IGSF9: variants seen among roughly 807,000 people sequenced by gnomAD.
The protein encoded by IGSF9 is immunoglobulin superfamily member 9.
IGSF9 carries 87 observed loss-of-function variants against 121.7 expected under a neutral mutation model. That is an observed-to-expected ratio of 0.71 (90% CI 0.60 to 0.85). The LOEUF is 0.85. IGSF9 is among the 40% of genes least tolerant of loss of function. IGSF9 has a pLI of 0.00. For synonymous variants in IGSF9, 640 were observed against 648.4 expected (o/e 0.99, Z 0.20); for missense variants, 1,462 against 1,565.3 (o/e 0.93, Z 1.11).
chr1:159,941,632 A>G (rs1035636235), intron 3 of IGSF9, among the ~76,000 whole-genome samples: 6 of 152,236 alleles, frequency 3.9e-5, no homozygotes, highest in Non-Finnish European at 7.3e-5. Flanking sequence ...AAGAGCTTCA[A>G]GTCTCCCTGG....
At chr1:159,938,169 C>T (rs1651261094) in intron 3 of IGSF9, among the ~76,000 whole-genome samples, 1 of 152,142 alleles carries the variant, frequency 6.6e-6, no homozygotes, top group South Asian at 2.1e-4. Context: ...CATGTAGTCT[C>T]CTCTGGACTC....
At chr1:159,938,200 T>C (rs1213597985) in intron 3 of IGSF9, among the ~76,000 whole-genome samples, 1 of 152,176 alleles carries the variant, frequency 6.6e-6, no homozygotes, top group Non-Finnish European at 1.5e-5. Flanking sequence ...TGTCCACCTC[T>C]GGGCTCTTTA....
rs1404158972 is a variant in IGSF9, at chr1:159,927,408, A to G, written c.3477T>C (p.Thr1159=). 3 of 1,613,894 alleles carry G rather than the reference A, an allele frequency of 1.9e-6. No individual in the cohort carries two copies. The highest frequency in any genetic ancestry group is 2.5e-6 in the Non-Finnish European group (3 of 1,179,998). Reference sequence around the variant, plus strand: ...GTCGATAGGCTGGTAGCCGAGCCCTAGTAGCATCTCGGCGGCGGCGGAAGG... The same window carrying G: ...GTCGATAGGCTGGTAGCCGAGCCCTGGTAGCATCTCGGCGGCGGCGGAAGG... ...FLAFRRRRDA[T]RARLPAYRQP... Residue 1159 remains threonine (T), a synonymous_variant, in exon 21 of 21, where the codon ACT becomes ACC. Coordinates refer to ENST00000368094, the MANE Select transcript of IGSF9 (RefSeq NM_001135050.2).
In IGSF9 at chr1:159,932,190, A is replaced by G. The variant is rs1651023694; in HGVS notation, c.1246-262T>C. The G allele has an allele frequency of 3.5e-6, 2 of 568,984 alleles. No homozygotes were observed. 35.2% of individuals were successfully genotyped at this position (568,984 alleles called of 1,614,324 possible). A position where few individuals can be genotyped will look rare whatever the true frequency, so the allele number is the denominator to read the frequency against. ...TGGCAGGCTTAGGCAGGACTCTCAG[A>G]GATGTACAAACCTCTGCAGAACATT... On this transcript the variant is annotated intron_variant, in intron 10 of 20. Transcript: ENST00000368094. The surrounding 1 kb of genome is among the most constrained non-coding windows in gnomAD (Gnocchi z 4.1).
rs144308456 is a variant in IGSF9, at chr1:159,935,057, A to G, written c.674-235T>C. Among the ~76,000 whole-genome samples, 169 of 152,290 alleles carry G rather than the reference A, an allele frequency of 1.1e-3. 1 individual carries two copies. Among genetic ancestry groups the G allele is most frequent in the South Asian group, 3.7e-3 (18 of 4,828 alleles). On this transcript the variant is annotated intron_variant, in intron 6 of 20. Coordinates refer to ENST00000368094, the MANE Select transcript of IGSF9 (RefSeq NM_001135050.2). ...TGTTCCATCAAGAGCAACTCCATTC[A>G]TGCAGTTCCACTGCCTAGGAATGGT...
chr1:159,933,369 G>A (rs990540991), intron 9 of IGSF9: 1 of 152,262 alleles, frequency 6.6e-6, no homozygotes, highest in African/African-American at 2.4e-5. Flanking sequence ...AAGATATACT[G>A]AGTACTATTG....
At chr1:159,938,543 C>G (rs1651275749) in intron 3 of IGSF9, among the ~76,000 whole-genome samples, 1 of 152,228 alleles carries the variant, frequency 6.6e-6, no homozygotes, top group South Asian at 2.1e-4. Flanking sequence ...CCACACCACA[C>G]TGCCAGGCTC....
In IGSF9 at chr1:159,930,285, G is replaced by A; in HGVS notation, c.1968C>T (p.Tyr656=). The A allele has an allele frequency of 2.5e-6, 4 of 1,613,872 alleles. No individual in the cohort carries two copies. The highest frequency in any genetic ancestry group is 1.3e-5 in the African/African-American group (1 of 74,980). Residue 656 remains tyrosine, a synonymous_variant, in exon 15 of 21, where the codon TAC becomes TAT. Transcript: ENST00000368094. ...PELVPKRLDG[Y]VLEGRQGSQG... ...GGGAGCCTTGCCGGCCTTCCAAGACGTAGCCATCCAGTCTCTTAGGGACCA... is the reference window on the plus strand; with the variant it reads ...GGGAGCCTTGCCGGCCTTCCAAGACATAGCCATCCAGTCTCTTAGGGACCA...
chr1:159,943,376 G>A (rs760848694), intron 2 of IGSF9, 21 bp downstream of exon 2: 8 of 1,553,688 alleles, frequency 5.1e-6, no homozygotes, highest in Middle Eastern at 1.7e-4. Flanking sequence ...GGGCATTCTT[G>A]AGCCCAAGAG....
At chr1:159,936,669 C>T (rs929382671) in intron 5 of IGSF9, 85 bp downstream of exon 5, 5 of 1,559,296 alleles carry the variant, frequency 3.2e-6, no homozygotes, top group Admixed American at 1.8e-5. Context: ...TGGCCTTTGC[C>T]TCCTCTGTCC....
rs1197579103 is a variant in IGSF9 at position 159,932,276 on chromosome 1, A to C, written c.1245+236T>G. 1.7e-6 allele frequency: 1 copy of C among 589,784 alleles called. No individual in the cohort carries two copies. Among genetic ancestry groups the C allele is most frequent in the East Asian group, 2.8e-5 (1 of 35,176 alleles). 36.5% of individuals were successfully genotyped at this position (589,784 alleles called of 1,614,324 possible). ...GTCAAGGTTAGTGAGAGTTGGGGCA[A>C]ACAGGATATCTTACTTCTGGATGTG... On this transcript the variant is annotated intron_variant, in intron 10 of 20. Transcript: ENST00000368094. This position sits in a 1 kb window ranked among gnomAD's most constrained non-coding sequence, Gnocchi z 4.1.
intron 4 of IGSF9, 35 bp downstream of exon 4, chr1:159,937,651 C>T (rs12751760): frequency 0.061 from 97,857 of 1,601,008 alleles, 3,502 homozygotes; most frequent in East Asian, 0.16. Flanking sequence ...TCCTCCTCCC[C>T]GTCCTTCTCC....
chr1:159,943,103 C>A lies in IGSF9; in HGVS notation c.107G>T (p.Ser36Ile). ...VVSVVGRAGE[S>I]VVLGCDLLPP... Reference sequence around the variant, plus strand: ...CAGCAGGTCACAGCCCAGCACCACACTCTCCCCAGCCCGGCCCACCACCGA... The same window carrying A: ...CAGCAGGTCACAGCCCAGCACCACAATCTCCCCAGCCCGGCCCACCACCGA... The change falls in exon 3 of 21, where the codon AGT (serine) becomes ATT (isoleucine). Residue 36 changes from serine to isoleucine, a missense_variant. By Grantham distance (142) the Ser-to-Ile change is moderately radical (BLOSUM62 -2). This residue lies in a region of IGSF9 where 558 missense variants were observed against 599.4 expected (regional missense o/e 0.93). Transcript: ENST00000368094. 2.5e-6 allele frequency: 4 copies of A among 1,608,476 alleles called. No homozygotes were observed. Among genetic ancestry groups the A allele is most frequent in the Non-Finnish European group, 3.4e-6 (4 of 1,178,248 alleles).
In IGSF9 at chr1:159,928,970, G is replaced by T. The variant is rs1436909950; in HGVS notation, c.2418C>A (p.Leu806=). 3 of 1,521,034 alleles carry T rather than the reference G, an allele frequency of 2.0e-6. No individual in the cohort carries two copies. The highest frequency in any genetic ancestry group is 2.6e-6 in the Non-Finnish European group (3 of 1,136,444). The allele number at this position is 1,521,034 out of a possible 1,614,324, so 94.2% of individuals were successfully genotyped here. Residue 806 remains leucine, a synonymous_variant, in exon 19 of 21, where the codon CTC becomes CTA. Transcript: ENST00000368094. ...GCAGGCTGGGGACTGGGGATCCCTG[G>T]AGCTTCAGCTTCGCCACGCTGTCAG... is the stretch of plus-strand genomic sequence containing the variant. ...GSPDSVAKLK[L]QGSPVPSLRQ...
Position 159,942,978 on chromosome 1 carries a change from C to T in IGSF9, c.232G>A (p.Asp78Asn). 2 of 1,613,024 alleles carry T rather than the reference C, an allele frequency of 1.2e-6. No homozygotes were observed. Among genetic ancestry groups the T allele is most frequent in the Non-Finnish European group, 1.7e-6 (2 of 1,179,560 alleles). The part of the protein sequence containing the change: ...IQFGLYSPRI[D>N]PDYVGRVRLQ... The stretch of plus-strand genomic sequence containing the variant: ...GAACTCTTACCCACGTAATCAGGGT[C>T]AATTCGGGGAGAGTAGAGGCCGAAC... Residue 78 changes from aspartate (D) to asparagine (N), a missense_variant, in exon 3 of 21, where the codon GAC becomes AAC. Around this residue, in one of 3 missense-constraint regions of IGSF9, gnomAD observed 558 missense variants for 599.4 expected, o/e 0.93. Coordinates refer to ENST00000368094, the MANE Select transcript of IGSF9 (RefSeq NM_001135050.2).
chr1:159,929,991 G>T lies in IGSF9; in HGVS notation c.2065-16C>A, dbSNP rs563484566. 17 of 1,592,428 alleles carry T rather than the reference G, an allele frequency of 1.1e-5. No homozygotes were observed. The East Asian group carries it at 3.6e-4, about 34-fold the overall frequency. ...AGAGAACATCCTGCGATGGGGATGG[G>T]GTACCAGGAGGGAGGTCAGGGCCCA... On this transcript the variant is annotated splice_polypyrimidine_tract_variant and intron_variant, in intron 15 of 20. Coordinates refer to ENST00000368094, the MANE Select transcript of IGSF9 (RefSeq NM_001135050.2).
chr1:159,932,703 G>A lies in IGSF9; in HGVS notation c.1105-51C>T, dbSNP rs1332868998. 3.2e-6 allele frequency: 5 copies of A among 1,553,578 alleles called. No homozygotes were observed. In the East Asian group the frequency reaches 1.1e-4, roughly 35 times the overall value. ...AGAGAGAGGAGCTCAGCAGAGACAA[G>A]CCCGGGATGGCAGTACAAGAGAGGG... On this transcript the variant is annotated intron_variant, in intron 9 of 20. Coordinates refer to ENST00000368094, the MANE Select transcript of IGSF9 (RefSeq NM_001135050.2). This position sits in a 1 kb window ranked among gnomAD's most constrained non-coding sequence, Gnocchi z 4.1.
Position 159,927,104 on chromosome 1 carries a change from A to C in IGSF9, c.*241T>G, listed in dbSNP as rs1557928481. 1 of 487,066 alleles carries C rather than the reference A, an allele frequency of 2.1e-6. No individual in the cohort carries two copies. Among genetic ancestry groups the C allele is most frequent in the South Asian group, 2.3e-5 (1 of 42,728 alleles). The allele number at this position is 487,066 out of a possible 1,614,324, so 30.2% of individuals were successfully genotyped here. A position where few individuals can be genotyped will look rare whatever the true frequency, so the allele number is the denominator to read the frequency against. On this transcript the variant is annotated 3_prime_UTR_variant, in exon 21 of 21. Coordinates refer to ENST00000368094, the MANE Select transcript of IGSF9 (RefSeq NM_001135050.2). ...CACACACACACACACACACAGAGAG[A>C]GAGAGAGAGAGAGAGAGAGAGAGAG...
chr1:159,932,684 A>G lies in IGSF9; in HGVS notation c.1105-32T>C, dbSNP rs1399110281. 6.3e-7 allele frequency: 1 copy of G among 1,590,220 alleles called. No homozygotes were observed. The highest frequency in any genetic ancestry group is 1.7e-5 in the Admixed American group (1 of 58,566). ...GGAAGAGAAGATGACAGCTAGAGAGAGGAGCTCAGCAGAGACAAGCCCGGG... is the reference window on the plus strand; with the variant it reads ...GGAAGAGAAGATGACAGCTAGAGAGGGGAGCTCAGCAGAGACAAGCCCGGG... On this transcript the variant is annotated intron_variant, in intron 9 of 20. Coordinates refer to ENST00000368094, the MANE Select transcript of IGSF9 (RefSeq NM_001135050.2). The surrounding 1 kb of genome is among the most constrained non-coding windows in gnomAD (Gnocchi z 4.1).
Sources: gnomAD v4.1 joint callset for allele counts (sites outside exome capture counted in the v4.1 genomes callset) on GRCh38, gnomAD v4.1.1 for gene constraint, gnomAD v4.1.1 regional missense constraint, Gnocchi (gnomAD v3.1) non-coding constraint, MANE v1.5 for transcripts, NCBI Gene and HGNC (gene_info 2026-07-23, HGNC 2026-07-21) for gene names.